Variants in MAPK8IP3 observed in about 807,000 individuals in gnomAD.
MAPK8IP3 encodes the protein mitogen-activated protein kinase 8 interacting protein 3.
In MAPK8IP3, 49 loss-of-function variants were observed where a neutral mutation model predicts 157.8. The ratio of observed to expected loss-of-function variants is 0.31; its 90% CI spans 0.25 to 0.39. MAPK8IP3 has a LOEUF of 0.39. MAPK8IP3 is among the 10% of genes least tolerant of loss of function. MAPK8IP3 has a pLI of 1.00. For missense variants in MAPK8IP3, 1,478 were observed against 1,889.4 expected, an observed-to-expected ratio of 0.78 and a Z score of 4.04; for synonymous variants, 897 against 777.7, an observed-to-expected ratio of 1.15 and a Z score of -2.55.
At chr16:1,739,661 TGTGACCGTTCGTGTGA>T (rs1335534627) in intron 4 of MAPK8IP3, among the ~76,000 whole-genome samples, 6 of 128,158 alleles carry the variant, frequency 4.7e-5, no homozygotes, top group Non-Finnish European at 8.2e-5. Flanking sequence ...TGAGCATCTG[TGTGACCGTTCGTGTGA>T]GTGACCGTCC....
intron 9 of MAPK8IP3, 138 bp downstream of exon 9, chr16:1,758,297 G>T (rs751159692): frequency 2.4e-5 from 22 of 923,842 alleles, no homozygotes; most frequent in South Asian, 1.1e-4. Flanking sequence ...GCTTCTGCTC[G>T]CAGCCACCGC....
intron 1 of MAPK8IP3, among the ~76,000 whole-genome samples, chr16:1,722,438 C>T (rs867348992): frequency 1.3e-5 from 2 of 152,108 alleles, no homozygotes; most frequent in Admixed American, 6.6e-5. Flanking sequence ...GCCTAGTATC[C>T]GGGTGGGAGA....
intron 4 of MAPK8IP3, among the ~76,000 whole-genome samples, chr16:1,738,573 TGTGA>T (rs1280055445): frequency 2.3e-4 from 31 of 134,930 alleles, no homozygotes; most frequent in Middle Eastern, 9.1e-3. Context: ...TGAGCATCCG[TGTGA>T]GTGTGACCAT....
In MAPK8IP3 at chr16:1,729,549, C is replaced by A; in HGVS notation, c.573C>A (p.Ser191Arg). 2 of 1,610,636 alleles carry A rather than the reference C, an allele frequency of 1.2e-6. No individual in the cohort carries two copies. Among genetic ancestry groups the A allele is most frequent in the Non-Finnish European group, 1.7e-6 (2 of 1,178,706 alleles). The change falls in exon 4 of 32, where the codon AGC (serine) becomes AGA (arginine). Residue 191 changes from serine (S) to arginine (R), a missense_variant. Physicochemically the swap from Ser to Arg is moderately radical, Grantham distance 110. This residue lies in a region of MAPK8IP3 where 315 missense variants were observed against 394.4 expected (regional missense o/e 0.80). Coordinates refer to ENST00000610761, the MANE Select transcript of MAPK8IP3 (RefSeq NM_001318852.2). Reference protein sequence around the residue: ...RSKMQQVGGNSQTESSLPGRS... With the variant: ...RSKMQQVGGNRQTESSLPGRS... ...AGATGCAGCAGGTCGGAGGAAACAG[C>A]CAGACCGAGAGCAGCCTGCCGGGGC... is the stretch of plus-strand genomic sequence containing the variant.
Position 1,706,859 on chromosome 16 carries a change from G to A in MAPK8IP3, c.318+202G>A, listed in dbSNP as rs2037429192. Among the ~76,000 whole-genome samples, 1 of 41,704 alleles carries A rather than the reference G, an allele frequency of 2.4e-5. No homozygotes were observed. Among genetic ancestry groups the A allele is most frequent in the African/African-American group, 9.5e-5 (1 of 10,524 alleles). 27.4% of individuals were successfully genotyped at this position (41,704 alleles called of 152,430 possible). A position where few individuals can be genotyped will look rare whatever the true frequency, so the allele number is the denominator to read the frequency against. Reference sequence around the variant, plus strand: ...GACTTCCCCACCCCCTCTGCCCGCCGTGAGACACCTCCCTAGAGCACTCCC... The same window carrying A: ...GACTTCCCCACCCCCTCTGCCCGCCATGAGACACCTCCCTAGAGCACTCCC... On this transcript the variant is annotated intron_variant, in intron 1 of 31. Coordinates refer to ENST00000610761, the MANE Select transcript of MAPK8IP3 (RefSeq NM_001318852.2). The surrounding 1 kb of genome is among the most constrained non-coding windows in gnomAD (Gnocchi z 5.1).
rs956621231 is a variant in MAPK8IP3, at chr16:1,724,233, C to T, written c.319-324C>T. On this transcript the variant is annotated intron_variant, in intron 1 of 31. Coordinates refer to ENST00000610761, the MANE Select transcript of MAPK8IP3 (RefSeq NM_001318852.2). The surrounding 1 kb of genome is among the most constrained non-coding windows in gnomAD (Gnocchi z 4.1). ...GAGTGCAGGGCCCCGCATTGCTGCC[C>T]GGGTCTCATGCAGCCACGAAGGCAG... 4.6e-5 allele frequency among the ~76,000 whole-genome samples: 7 copies of T among 152,250 alleles called. No individual in the cohort carries two copies. Among genetic ancestry groups the T allele is most frequent in the Admixed American group, 1.3e-4 (2 of 15,292 alleles).
chr16:1,728,145 C>A (rs980409397), intron 2 of MAPK8IP3, among the ~76,000 whole-genome samples: 1 of 152,222 alleles, frequency 6.6e-6, no homozygotes, highest in African/African-American at 2.4e-5. Flanking sequence ...AGAGTGGGGT[C>A]CCCTGGCTGC....
chr16:1,742,737 C>T lies in MAPK8IP3; in HGVS notation c.603-595C>T, dbSNP rs1269955610. Among the ~76,000 whole-genome samples the T allele has an allele frequency of 2.6e-5, 4 of 152,274 alleles. No homozygotes were observed. The East Asian group carries it at 7.7e-4, about 29-fold the overall frequency. On this transcript the variant is annotated intron_variant, in intron 4 of 31. Coordinates refer to ENST00000610761, the MANE Select transcript of MAPK8IP3 (RefSeq NM_001318852.2). The surrounding 1 kb of genome is among the most constrained non-coding windows in gnomAD (Gnocchi z 5.0). ...GACAATGGTCCTAAAAGGCATTGCT[C>T]ATGGTGGCCGTGCAGCGCTGACCGT... is the stretch of plus-strand genomic sequence containing the variant.
At chr16:1,738,023 T>A (rs2040169517) in intron 4 of MAPK8IP3, among the ~76,000 whole-genome samples, 1 of 84,006 alleles carries the variant, frequency 1.2e-5, no homozygotes, top group Non-Finnish European at 2.3e-5. Flanking sequence ...ACCGTCCGTG[T>A]GAGCATCCGT....
chr16:1,730,571 C>G (rs1304653889), intron 4 of MAPK8IP3, among the ~76,000 whole-genome samples: 2 of 151,996 alleles, frequency 1.3e-5, no homozygotes, highest in Non-Finnish European at 2.9e-5. Context: ...AACCCCATCT[C>G]TACGAAACAC....
intron 19 of MAPK8IP3, 28 bp downstream of exon 19, chr16:1,764,487 C>G (rs998385520): frequency 5.0e-6 from 8 of 1,602,552 alleles, no homozygotes; most frequent in African/African-American, 1.3e-5. Context: ...CACCGGGCAC[C>G]CTCCCTGGCT....
intron 13 of MAPK8IP3, 49 bp downstream of exon 13, chr16:1,761,354 TTCACAGGCGGGGCGGCCACCGTTC>T: frequency 6.5e-7 from 1 of 1,548,566 alleles, no homozygotes; most frequent in Non-Finnish European, 8.9e-7. Context: ...CCATTCACTT[TTCACAGGCGGGGCGGCCACCGTTC>T]ACCATTCACA....
chr16:1,737,279 CGT>C (rs1159673615), intron 4 of MAPK8IP3, among the ~76,000 whole-genome samples: 3 of 84,710 alleles, frequency 3.5e-5, no homozygotes, highest in African/African-American at 5.5e-5. Context: ...TGTGAGCGTC[CGT>C]GTGAGTGTGA....
intron 13 of MAPK8IP3, 138 bp from the exon 14 acceptor site, chr16:1,762,213 C>G: frequency 8.4e-7 from 1 of 1,194,830 alleles, no homozygotes; most frequent in South Asian, 1.6e-5. Flanking sequence ...TGCCGACACC[C>G]CTCCACACCG....
At chr16:1,720,478 G>A (rs1374996428) in intron 1 of MAPK8IP3, among the ~76,000 whole-genome samples, 1 of 152,178 alleles carries the variant, frequency 6.6e-6, no homozygotes, top group East Asian at 1.9e-4. Flanking sequence ...GCCTGTTGGT[G>A]TTGAAAGGCA....
chr16:1,764,342 C>A lies in MAPK8IP3; in HGVS notation c.2163C>A (p.Pro721=). 1 of 1,578,294 alleles carries A rather than the reference C, an allele frequency of 6.3e-7. No homozygotes were observed. The change falls in exon 19 of 32, where the codon CCC becomes CCA. Residue 721 remains proline (P), a synonymous_variant. Transcript: ENST00000610761. The part of the protein sequence containing the change: ...AAGVNLSGWR[P]NEDDAGNGVK... ...GCGTCAACCTGAGCGGGTGGAGGCC[C>A]AATGAGGACGACGCTGGGAATGGAG...
In MAPK8IP3 at chr16:1,724,216, G is replaced by T. The variant is rs1430060144; in HGVS notation, c.319-341G>T. On this transcript the variant is annotated intron_variant, in intron 1 of 31. Coordinates refer to ENST00000610761, the MANE Select transcript of MAPK8IP3 (RefSeq NM_001318852.2). The surrounding 1 kb of genome is among the most constrained non-coding windows in gnomAD (Gnocchi z 4.1). ...CAAGCATTGGGCCTTCTGAGTGCAGGGCCCCGCATTGCTGCCCGGGTCTCA... is the reference window on the plus strand; with the variant it reads ...CAAGCATTGGGCCTTCTGAGTGCAGTGCCCCGCATTGCTGCCCGGGTCTCA... 6.6e-6 allele frequency among the ~76,000 whole-genome samples: 1 copy of T among 152,240 alleles called. No individual in the cohort carries two copies. The highest frequency in any genetic ancestry group is 2.4e-5 in the African/African-American group (1 of 41,472).
intron 5 of MAPK8IP3, 155 bp from the exon 6 acceptor site, chr16:1,746,874 T>C (rs2040994136): frequency 1.1e-6 from 1 of 916,772 alleles, no homozygotes; most frequent in Non-Finnish European, 1.6e-6. Context: ...CCGGAAGGGT[T>C]AGCCCGGTGG....
At chr16:1,712,048 G>GTTTT (rs2037815585) in intron 1 of MAPK8IP3, among the ~76,000 whole-genome samples, 12 of 115,838 alleles carry the variant, frequency 1.0e-4, no homozygotes, top group Non-Finnish European at 1.6e-4. Flanking sequence ...GGCCTCAGGA[G>GTTTT]TTCTTTTTTT....
Sources: allele counts gnomAD v4.1 joint callset (sites outside exome capture counted in the v4.1 genomes callset), GRCh38; gene constraint gnomAD v4.1.1; regional missense constraint gnomAD v4.1.1; non-coding constraint Gnocchi (gnomAD v3.1); transcripts MANE v1.5; gene names NCBI Gene and HGNC (gene_info 2026-07-23, HGNC 2026-07-21).